The following ALDH5A1 variants were observed in gnomAD, a reference collection of about 807,000 sequenced individuals.
ALDH5A1 encodes aldehyde dehydrogenase 5 family member A1.
ALDH5A1 carries 33 observed loss-of-function variants against 54.7 expected under a neutral mutation model. That is an observed-to-expected ratio of 0.60 (90% CI 0.46 to 0.81). ALDH5A1 has a LOEUF of 0.81. Ranked by LOEUF, ALDH5A1 falls within the 30% of genes least tolerant of loss-of-function variation. ALDH5A1 has a pLI of 0.00. For missense variants in ALDH5A1, 657 were observed against 711.0 expected (o/e 0.92, Z 0.86); for synonymous variants, 294 against 292.7 (o/e 1.00, Z -0.05).
intron 5 of ALDH5A1, among the ~76,000 whole-genome samples, chr6:24,519,755 G>GT (rs35222716): frequency 0.29 from 42,970 of 145,696 alleles, 6,439 homozygotes; most frequent in African/African-American, 0.35. Context: ...ATACCATCCT[G>GT]TTTTTTTTTT....
chr6:24,504,497 T>C (rs898200739), intron 3 of ALDH5A1, among the ~76,000 whole-genome samples: 1 of 152,258 alleles, frequency 6.6e-6, no homozygotes, highest in Non-Finnish European at 1.5e-5. Flanking sequence ...CACCCATTCA[T>C]ACACCTACTA....
At chr6:24,515,720 CA>C (rs993172975) in intron 5 of ALDH5A1, among the ~76,000 whole-genome samples, 2 of 151,394 alleles carry the variant, frequency 1.3e-5, no homozygotes, top group East Asian at 1.9e-4. Context: ...GACTCTGTTT[CA>C]AAAAAAAGGT....
intron 7 of ALDH5A1, among the ~76,000 whole-genome samples, chr6:24,525,819 G>A (rs1231004292): frequency 6.6e-6 from 1 of 152,160 alleles, no homozygotes; most frequent in African/African-American, 2.4e-5. Context: ...AGTAGGAATA[G>A]GAGGAGGGGA....
rs947186793 is a variant in ALDH5A1 at position 24,512,960 on chromosome 6, G to T, written c.727-2207G>T. ...CCACCTTGGCCTCCTAAAATGCTGG[G>T]ATTACAGGTGTGAGCCACCGCACCT... is the stretch of plus-strand genomic sequence containing the variant. On this transcript the variant is annotated intron_variant, in intron 4 of 9. Coordinates refer to ENST00000357578, the MANE Select transcript of ALDH5A1 (RefSeq NM_001080.3). 2.6e-5 allele frequency among the ~76,000 whole-genome samples: 4 copies of T among 152,256 alleles called. No individual in the cohort carries two copies. The South Asian group carries it at 8.3e-4, about 32-fold the overall frequency.
intron 9 of ALDH5A1, among the ~76,000 whole-genome samples, chr6:24,532,488 C>T (rs1405122450): frequency 3.9e-5 from 6 of 152,180 alleles, no homozygotes; most frequent in African/African-American, 1.4e-4. Flanking sequence ...GCTTAATCCC[C>T]AGAAATTCCA....
intron 4 of ALDH5A1, among the ~76,000 whole-genome samples, chr6:24,510,941 G>C (rs544687097): frequency 6.6e-6 from 1 of 152,272 alleles, no homozygotes; most frequent in African/African-American, 2.4e-5. Flanking sequence ...CTTTAAAGAG[G>C]TTCTGTTTTG....
chr6:24,498,657 C>G (rs1189604898), intron 1 of ALDH5A1, among the ~76,000 whole-genome samples: 1 of 152,208 alleles, frequency 6.6e-6, no homozygotes, highest in Non-Finnish European at 1.5e-5. Flanking sequence ...CTCAGGGAAC[C>G]TTCCTTTTTG....
In ALDH5A1 at chr6:24,503,243, T is replaced by C; in HGVS notation, c.439-20T>C. 1 of 1,612,536 alleles carries C rather than the reference T, an allele frequency of 6.2e-7. No homozygotes were observed. The highest frequency in any genetic ancestry group is 8.5e-7 in the Non-Finnish European group (1 of 1,179,790). On this transcript the variant is annotated intron_variant, in intron 2 of 9. Coordinates refer to ENST00000357578, the MANE Select transcript of ALDH5A1 (RefSeq NM_001080.3). ...TATTATTAGAAGGTAATACGTGGGT[T>C]CTTTTCTGATTTAATTTAGGGAAAG... is the stretch of plus-strand genomic sequence containing the variant.
chr6:24,513,807 G>A (rs944228898), intron 4 of ALDH5A1, among the ~76,000 whole-genome samples: 6 of 150,166 alleles, frequency 4.0e-5, no homozygotes, highest in South Asian at 2.3e-4. Flanking sequence ...CACACGGCCC[G>A]TTGCTGCCCC....
chr6:24,495,491 A>G (rs1764681357), intron 1 of ALDH5A1, 141 bp downstream of exon 1: 1 of 861,398 alleles, frequency 1.2e-6, no homozygotes, highest in Admixed American at 2.9e-5. Flanking sequence ...GGAAAGTCAG[A>G]GCAACAAGGG....
chr6:24,499,922 G>A (rs1179922788), intron 1 of ALDH5A1, among the ~76,000 whole-genome samples: 5 of 152,150 alleles, frequency 3.3e-5, no homozygotes, highest in Non-Finnish European at 7.4e-5. Flanking sequence ...GCCTCCCGAA[G>A]TGCTGGGATT....
chr6:24,522,732 C>T, intron 6 of ALDH5A1, 35 bp from the exon 7 acceptor site: 1 of 1,612,366 alleles, frequency 6.2e-7, no homozygotes, highest in Non-Finnish European at 8.5e-7. Context: ...CAGCTTCTGA[C>T]AGACTGTGTG....
At position 24,509,755 on chromosome 6, in the gene ALDH5A1, C is replaced by G. The variant is rs1239750203; in HGVS notation, c.726+4770C>G. Among the ~76,000 whole-genome samples, 2 of 152,070 alleles carry G rather than the reference C, an allele frequency of 1.3e-5. No individual in the cohort carries two copies. Among genetic ancestry groups the G allele is most frequent in the Non-Finnish European group, 2.9e-5 (2 of 67,994 alleles). Reference sequence around the variant, plus strand: ...CAATTTTATCTTTTCAAAGAACCAGCTTTTTGTATCATTTATATTTTGTAT... The same window carrying G: ...CAATTTTATCTTTTCAAAGAACCAGGTTTTTGTATCATTTATATTTTGTAT... On this transcript the variant is annotated intron_variant, in intron 4 of 9. Transcript: ENST00000357578. This position sits in a 1 kb window ranked among gnomAD's most constrained non-coding sequence, Gnocchi z 4.7.
At chr6:24,520,301 C>G in intron 5 of ALDH5A1, 100 bp from the exon 6 acceptor site, 1 of 1,371,142 alleles carries the variant, frequency 7.3e-7, no homozygotes, top group Non-Finnish European at 1.0e-6. Flanking sequence ...CACCACTGTG[C>G]ACCTTGCTTT....
intron 1 of ALDH5A1, among the ~76,000 whole-genome samples, chr6:24,499,914 C>T (rs1581805008): frequency 1.3e-5 from 2 of 152,290 alleles, no homozygotes. Flanking sequence ...CCGCCTCGGC[C>T]TCCCGAAGTG....
At chr6:24,527,462 C>T (rs1759839385) in intron 7 of ALDH5A1, among the ~76,000 whole-genome samples, 3 of 152,204 alleles carry the variant, frequency 2.0e-5, no homozygotes, top group Non-Finnish European at 4.4e-5. Flanking sequence ...ATCCTAGCTA[C>T]TCGGGAGGCT....
At chr6:24,501,744 T>G (rs1764821518) in intron 1 of ALDH5A1, among the ~76,000 whole-genome samples, 1 of 152,096 alleles carries the variant, frequency 6.6e-6, no homozygotes, top group Non-Finnish European at 1.5e-5. Flanking sequence ...TTGATTTTTT[T>G]TATTTGTGTG....
At chr6:24,532,253 T>C (rs1316615009) in intron 9 of ALDH5A1, 76 bp downstream of exon 9, 2 of 1,465,430 alleles carry the variant, frequency 1.4e-6, no homozygotes, top group Non-Finnish European at 1.9e-6. Context: ...CTTTTAAACA[T>C]CACCCTGGGT....
At chr6:24,515,410 G>A in intron 5 of ALDH5A1, 100 bp downstream of exon 5, 1 of 1,421,386 alleles carries the variant, frequency 7.0e-7, no homozygotes. Flanking sequence ...ATTTTGGAAA[G>A]ATTTCCAGCA....
Sources: allele counts gnomAD v4.1 joint callset (sites outside exome capture counted in the v4.1 genomes callset), GRCh38; gene constraint gnomAD v4.1.1; non-coding constraint Gnocchi (gnomAD v3.1); transcripts MANE v1.5; gene names NCBI Gene and HGNC (gene_info 2026-07-23, HGNC 2026-07-21).